Variants in NAALADL2 observed in about 807,000 individuals in gnomAD.
NAALADL2 encodes inactive N-acetylated-alpha-linked acidic dipeptidase-like protein 2.
Under a neutral mutation model 87.2 loss-of-function variants are expected in NAALADL2, and 76 were observed. The observed-to-expected ratio is 0.87, with a 90% CI of 0.72 to 1.05. NAALADL2 has a LOEUF of 1.05. Ranked by LOEUF, NAALADL2 falls within the 50% of genes least tolerant of loss-of-function variation. The probability of loss-of-function intolerance (pLI) is 0.00; values close to 1 mark genes in which losing one functional copy is unlikely to be tolerated. For missense variants in NAALADL2, 1,089 were observed against 945.8 expected (o/e 1.15, Z -1.99); for synonymous variants, 354 against 331.0 (o/e 1.07, Z -0.75).
At chr3:174,541,576 C>T (rs1722225460) in intron 1 of NAALADL2, among the ~76,000 whole-genome samples, 1 of 152,110 alleles carries the variant, frequency 6.6e-6, no homozygotes, top group African/African-American at 2.4e-5. Context: ...TGAAAATACA[C>T]TGGATGCTAT....
chr3:175,569,444 G>A (rs1036682416), intron 9 of NAALADL2, among the ~76,000 whole-genome samples: 2 of 152,040 alleles, frequency 1.3e-5, no homozygotes, highest in Non-Finnish European at 2.9e-5. Context: ...GAATCAATAG[G>A]ATATATCTTG....
intron 5 of NAALADL2, among the ~76,000 whole-genome samples, chr3:175,330,697 A>G (rs1036448234): frequency 6.6e-6 from 1 of 151,956 alleles, no homozygotes; most frequent in African/African-American, 2.4e-5. Flanking sequence ...ACCTATATCA[A>G]AAAAATACAA....
At chr3:174,836,015 T>G (rs1433780943) in intron 3 of NAALADL2, among the ~76,000 whole-genome samples, 1 of 152,156 alleles carries the variant, frequency 6.6e-6, no homozygotes, top group Non-Finnish European at 1.5e-5. Flanking sequence ...GTAAAGTAAG[T>G]CAAAGTGAGG....
intron 3 of NAALADL2, among the ~76,000 whole-genome samples, chr3:175,250,190 C>T (rs1438045229): frequency 1.4e-5 from 2 of 148,140 alleles, no homozygotes; most frequent in Non-Finnish European, 3.0e-5. Context: ...AAAAAAAGAG[C>T]GATTAGTATT....
At chr3:175,650,298 C>T (rs151192751) in intron 11 of NAALADL2, among the ~76,000 whole-genome samples, 1 of 152,020 alleles carries the variant, frequency 6.6e-6, no homozygotes, top group African/African-American at 2.4e-5. Flanking sequence ...CAGAGGTTGT[C>T]CAAGACTAGG....
chr3:175,023,912 G>GAT (rs1163124057), intron 1 of NAALADL2, among the ~76,000 whole-genome samples: 21 of 151,912 alleles, frequency 1.4e-4, no homozygotes, highest in Non-Finnish European at 2.5e-4. Context: ...TAAAGTGTTA[G>GAT]ATATATAATG....
intron 5 of NAALADL2, among the ~76,000 whole-genome samples, chr3:175,346,471 TTTTC>T (rs1173668897): frequency 6.6e-6 from 1 of 152,150 alleles, no homozygotes; most frequent in African/African-American, 2.4e-5. Context: ...GACAGTGAAA[TTTTC>T]TTTCTTTTAT....
At chr3:175,158,844 T>C (rs1732711985) in intron 2 of NAALADL2, among the ~76,000 whole-genome samples, 1 of 152,098 alleles carries the variant, frequency 6.6e-6, no homozygotes, top group Non-Finnish European at 1.5e-5. Flanking sequence ...TATCCTAATT[T>C]GATAATGAAT....
At chr3:175,165,503 A>G (rs1241380996) in intron 2 of NAALADL2, among the ~76,000 whole-genome samples, 1 of 152,198 alleles carries the variant, frequency 6.6e-6, no homozygotes, top group Non-Finnish European at 1.5e-5. Context: ...TAATAAAATC[A>G]TGGACTTACA....
At position 175,733,601 on chromosome 3, in the gene NAALADL2, T is replaced by A. The variant is rs1744088670; in HGVS notation, c.1897-3705T>A. ...CCTCCCAAATCTCATATCTTTACATTTCAAAACCAAACATGCCTTCCCAAC... is the reference window on the plus strand; with the variant it reads ...CCTCCCAAATCTCATATCTTTACATATCAAAACCAAACATGCCTTCCCAAC... On this transcript the variant is annotated intron_variant, in intron 11 of 13. Coordinates refer to ENST00000454872, the MANE Select transcript of NAALADL2 (RefSeq NM_207015.3). Among the ~76,000 whole-genome samples, 3 of 152,120 alleles carry A rather than the reference T, an allele frequency of 2.0e-5. No homozygotes were observed. In the South Asian group the frequency reaches 6.2e-4, roughly 32 times the overall value.
intron 1 of NAALADL2, among the ~76,000 whole-genome samples, chr3:174,954,698 G>A (rs567234067): frequency 1.3e-5 from 2 of 152,136 alleles, no homozygotes; most frequent in Admixed American, 6.6e-5. Context: ...CCAACAACAC[G>A]ATAGAGAATG....
At chr3:175,682,596 T>C (rs1560969553) in intron 11 of NAALADL2, among the ~76,000 whole-genome samples, 1 of 151,878 alleles carries the variant, frequency 6.6e-6, no homozygotes, top group Non-Finnish European at 1.5e-5. Context: ...ATGGCAGAAA[T>C]GTAGTGTTTG....
At chr3:174,754,761 A>T (rs1711791814) in intron 3 of NAALADL2, among the ~76,000 whole-genome samples, 1 of 152,128 alleles carries the variant, frequency 6.6e-6, no homozygotes. Flanking sequence ...TAACATCTAT[A>T]ATTGTGGTTT....
At chr3:175,693,289 T>C (rs1378623692) in intron 11 of NAALADL2, among the ~76,000 whole-genome samples, 2 of 152,190 alleles carry the variant, frequency 1.3e-5, no homozygotes, top group Admixed American at 1.3e-4. Context: ...CAGAGGTTCA[T>C]CTATTACAGT....
At chr3:175,402,220 A>G (rs1370076472) in intron 5 of NAALADL2, among the ~76,000 whole-genome samples, 1 of 152,150 alleles carries the variant, frequency 6.6e-6, no homozygotes, top group Non-Finnish European at 1.5e-5. Context: ...CACATTCAAT[A>G]CAAACAAAAC....
intron 2 of NAALADL2, among the ~76,000 whole-genome samples, chr3:174,659,951 C>T (rs1232373989): frequency 6.6e-6 from 1 of 152,044 alleles, no homozygotes; most frequent in Non-Finnish European, 1.5e-5. Flanking sequence ...CCTTTTGGGA[C>T]CCCGCTTGAA....
intron 1 of NAALADL2, among the ~76,000 whole-genome samples, chr3:174,444,199 TACA>T (rs988257022): frequency 2.0e-5 from 3 of 152,128 alleles, no homozygotes; most frequent in East Asian, 1.9e-4. Context: ...GATACATGCA[TACA>T]ACAAGAGAGA....
chr3:175,804,135 A>G lies in NAALADL2; in HGVS notation c.*932A>G, dbSNP rs1299143272. 6.6e-6 allele frequency: 1 copy of G among 151,938 alleles called. No homozygotes were observed. The highest frequency in any genetic ancestry group is 1.5e-5 in the Non-Finnish European group (1 of 67,880). 9.4% of individuals were successfully genotyped at this position (151,938 alleles called of 1,614,324 possible). On this transcript the variant is annotated 3_prime_UTR_variant, in exon 14 of 14. Transcript: ENST00000454872. ...TATATATTTTCAACAGTAAAGTAGCAGAGTTTCTCTTTGAAACCCAAAATG... is the reference window on the plus strand; with the variant it reads ...TATATATTTTCAACAGTAAAGTAGCGGAGTTTCTCTTTGAAACCCAAAATG...
At chr3:174,752,326 C>G (rs1215679110) in intron 3 of NAALADL2, among the ~76,000 whole-genome samples, 1 of 152,142 alleles carries the variant, frequency 6.6e-6, no homozygotes, top group Non-Finnish European at 1.5e-5. Context: ...TCTTGGACTG[C>G]TGCTATTGCA....
Sources: allele counts gnomAD v4.1 joint callset (sites outside exome capture counted in the v4.1 genomes callset), GRCh38; gene constraint gnomAD v4.1.1; transcripts MANE v1.5; gene names NCBI Gene and HGNC (gene_info 2026-07-23, HGNC 2026-07-21).